FAM174A: variants seen among roughly 807,000 people sequenced by gnomAD.
The protein encoded by FAM174A is family with sequence similarity 174 member A, also known as membrane protein FAM174A.
Under a neutral mutation model 14.3 loss-of-function variants are expected in FAM174A, and 14 were observed. That is an observed-to-expected ratio of 0.98 (90% confidence interval 0.65 to 1.53). The LOEUF (loss-of-function observed/expected upper bound fraction) is 1.53. FAM174A is among the 40% of genes most tolerant of loss of function. The pLI is 0.00. For synonymous variants in FAM174A, 108 were observed against 111.4 expected, an observed-to-expected ratio of 0.97 and a Z score of 0.19; for missense variants, 241 against 249.6, an observed-to-expected ratio of 0.97 and a Z score of 0.23.
At chr5:100,569,358 A>G (rs1746728323) in intron 2 of FAM174A, among the ~76,000 whole-genome samples, 2 of 149,398 alleles carry the variant, frequency 1.3e-5, no homozygotes, top group African/African-American at 5.0e-5. Context: ...CATATATGAC[A>G]TAGAGTTACA....
intron 2 of FAM174A, among the ~76,000 whole-genome samples, chr5:100,584,904 T>C (rs933063992): frequency 6.6e-6 from 1 of 152,192 alleles, no homozygotes; most frequent in African/African-American, 2.4e-5. Flanking sequence ...GTCATGACTT[T>C]TTTCTGCTTC....
Position 100,536,373 on chromosome 5 carries a change from G to T in FAM174A, c.434+409G>T, listed in dbSNP as rs551068502. On this transcript the variant is annotated intron_variant, in intron 1 of 2. Coordinates refer to ENST00000312637, the MANE Select transcript of FAM174A (RefSeq NM_198507.3). ...CAGAATGCAAACTCTTTAAAGACAG[G>T]ATATCTATTTAGTAGGTTTGTGAGT... Among the ~76,000 whole-genome samples, 6 of 152,246 alleles carry T rather than the reference G, an allele frequency of 3.9e-5. No individual in the cohort carries two copies. In the South Asian group the frequency reaches 6.2e-4, roughly 16 times the overall value.
intron 2 of FAM174A, among the ~76,000 whole-genome samples, chr5:100,575,686 T>G (rs904315424): frequency 1.3e-5 from 2 of 152,112 alleles, no homozygotes; most frequent in Non-Finnish European, 2.9e-5. Context: ...TGACAAATGG[T>G]ATCTAATTAA....
chr5:100,556,481 A>C (rs924942768), intron 1 of FAM174A, among the ~76,000 whole-genome samples: 1 of 152,170 alleles, frequency 6.6e-6, no homozygotes, highest in Non-Finnish European at 1.5e-5. Context: ...CTATGAAGAA[A>C]GTCATTGGTA....
At chr5:100,577,465 C>A (rs1746925216) in intron 2 of FAM174A, among the ~76,000 whole-genome samples, 1 of 152,012 alleles carries the variant, frequency 6.6e-6, no homozygotes, top group African/African-American at 2.4e-5. Flanking sequence ...CAATGCGATA[C>A]TTGGCCATAA....
At chr5:100,583,699 A>T in intron 2 of FAM174A, among the ~76,000 whole-genome samples, 1 of 152,012 alleles carries the variant, frequency 6.6e-6, no homozygotes, top group East Asian at 1.9e-4. Context: ...CTCTATTGTA[A>T]ATCCTGTGAA....
chr5:100,582,026 C>T (rs1747027663), intron 2 of FAM174A, among the ~76,000 whole-genome samples: 1 of 152,042 alleles, frequency 6.6e-6, no homozygotes, highest in African/African-American at 2.4e-5. Flanking sequence ...CTCAGGGTCT[C>T]ATATATAGTC....
intron 2 of FAM174A, among the ~76,000 whole-genome samples, chr5:100,584,081 G>T (rs913415380): frequency 6.6e-6 from 1 of 152,160 alleles, no homozygotes; most frequent in African/African-American, 2.4e-5. Context: ...ATGTACTTCT[G>T]GACTTCAGGG....
At chr5:100,542,188 A>G (rs1746069679) in intron 1 of FAM174A, among the ~76,000 whole-genome samples, 1 of 152,184 alleles carries the variant, frequency 6.6e-6, no homozygotes, top group South Asian at 2.1e-4. Flanking sequence ...TCATTTCCTT[A>G]ATGGCCACCT....
At chr5:100,554,611 A>G (rs1293478789) in intron 1 of FAM174A, among the ~76,000 whole-genome samples, 3 of 151,146 alleles carry the variant, frequency 2.0e-5, no homozygotes, top group South Asian at 2.1e-4. Context: ...CGCCTGGACT[A>G]TTTTTCTATT....
chr5:100,585,419 A>C (rs1362053014), intron 2 of FAM174A, among the ~76,000 whole-genome samples: 1 of 151,912 alleles, frequency 6.6e-6, no homozygotes, highest in African/African-American at 2.4e-5. Flanking sequence ...TTAATATTTC[A>C]TTTTCTTTAT....
intron 2 of FAM174A, among the ~76,000 whole-genome samples, chr5:100,565,184 T>A (rs1479364841): frequency 1.3e-5 from 2 of 151,864 alleles, no homozygotes; most frequent in African/African-American, 2.4e-5. Context: ...GATTTGTCCC[T>A]GGAATGCAAA....
chr5:100,547,021 A>G (rs945788926), intron 1 of FAM174A, among the ~76,000 whole-genome samples: 6 of 152,090 alleles, frequency 3.9e-5, no homozygotes, highest in Admixed American at 2.0e-4. Context: ...ATATATGTGC[A>G]TATTTTCTTC....
At chr5:100,568,626 C>G (rs759319840) in intron 2 of FAM174A, among the ~76,000 whole-genome samples, 1 of 148,626 alleles carries the variant, frequency 6.7e-6, no homozygotes, top group Admixed American at 6.8e-5. Context: ...GTCATGAGAT[C>G]TCTGGCTTCA....
At position 100,564,301 on chromosome 5, in the gene FAM174A, G is replaced by A. The variant is rs372276291; in HGVS notation, c.569+2113G>A. ...TCTTGAGCAATTATTGGGTCAAATAGGAAATCAAAGGGAATTTTAAGAGCT... is the reference window on the plus strand; with the variant it reads ...TCTTGAGCAATTATTGGGTCAAATAAGAAATCAAAGGGAATTTTAAGAGCT... On this transcript the variant is annotated intron_variant, in intron 2 of 2. Coordinates refer to ENST00000312637, the MANE Select transcript of FAM174A (RefSeq NM_198507.3). Among the ~76,000 whole-genome samples the A allele has an allele frequency of 4.6e-5, 7 of 151,320 alleles. No individual in the cohort carries two copies. In the South Asian group the frequency reaches 1.5e-3, roughly 32 times the overall value.
rs79961300 is a variant in FAM174A at position 100,579,032 on chromosome 5, A to G, written c.570-7149A>G. Reference sequence around the variant, plus strand: ...CAAATATGTTGAAAGCCATCAAGGCATTAAATGTTGTGGTTACTTATGTTT... The same window carrying G: ...CAAATATGTTGAAAGCCATCAAGGCGTTAAATGTTGTGGTTACTTATGTTT... On this transcript the variant is annotated intron_variant, in intron 2 of 2. Coordinates refer to ENST00000312637, the MANE Select transcript of FAM174A (RefSeq NM_198507.3). Among the ~76,000 whole-genome samples, 34 of 152,382 alleles carry G rather than the reference A, an allele frequency of 2.2e-4. No homozygotes were observed. In the East Asian group the frequency reaches 6.5e-3, roughly 29 times the overall value.
chr5:100,573,943 T>C (rs1038134171), intron 2 of FAM174A, among the ~76,000 whole-genome samples: 7 of 152,120 alleles, frequency 4.6e-5, no homozygotes, highest in Admixed American at 4.6e-4. Context: ...CTATCTGATC[T>C]TTGACAAACC....
intron 1 of FAM174A, among the ~76,000 whole-genome samples, chr5:100,541,892 C>A (rs948881685): frequency 3.3e-5 from 5 of 152,150 alleles, no homozygotes; most frequent in African/African-American, 1.2e-4. Flanking sequence ...TGAGACATCT[C>A]TTCTGATTTT....
chr5:100,558,535 G>A (rs1746447920), intron 1 of FAM174A, among the ~76,000 whole-genome samples: 1 of 151,966 alleles, frequency 6.6e-6, no homozygotes, highest in Non-Finnish European at 1.5e-5. Flanking sequence ...GTTGACAGTG[G>A]GGTATTAAAG....
Sources: gnomAD v4.1 joint callset for allele counts (sites outside exome capture counted in the v4.1 genomes callset) on GRCh38, gnomAD v4.1.1 for gene constraint, MANE v1.5 for transcripts, NCBI Gene and HGNC (gene_info 2026-07-23, HGNC 2026-07-21) for gene names.